Variants in DGKB observed in about 807,000 individuals in gnomAD.
DGKB encodes the protein diacylglycerol kinase beta.
A neutral mutation model predicts 114.3 loss-of-function variants in DGKB; 67 were observed. The observed-to-expected ratio is 0.59, with a 90% CI of 0.48 to 0.72. The LOEUF is 0.72. Among genes scored for constraint, DGKB ranks in the 30% least tolerant of loss-of-function variants. DGKB has a pLI of 0.00. For missense variants in DGKB, 907 were observed against 975.2 expected (o/e 0.93, Z 0.93); for synonymous variants, 398 against 323.1 (o/e 1.23, Z -2.49).
At chr7:14,523,238 A>G (rs1177787932) in intron 20 of DGKB, among the ~76,000 whole-genome samples, 1 of 152,224 alleles carries the variant, frequency 6.6e-6, no homozygotes, top group East Asian at 1.9e-4. Flanking sequence ...GTCATAATTT[A>G]TCTAAAAACC....
chr7:14,836,900 C>T (rs368091410), intron 2 of DGKB, among the ~76,000 whole-genome samples: 8 of 152,230 alleles, frequency 5.3e-5, no homozygotes, highest in African/African-American at 1.9e-4. Flanking sequence ...GACACTGACT[C>T]TTCATGCTCC....
intron 20 of DGKB, among the ~76,000 whole-genome samples, chr7:14,565,265 A>T (rs752813533): frequency 7.9e-5 from 12 of 152,104 alleles, no homozygotes; most frequent in Non-Finnish European, 1.8e-4. Flanking sequence ...TATCATCATC[A>T]GCCTACTAAC....
intron 16 of DGKB, among the ~76,000 whole-genome samples, chr7:14,609,282 A>C (rs1400023688): frequency 6.6e-6 from 1 of 152,018 alleles, no homozygotes; most frequent in Non-Finnish European, 1.5e-5. Context: ...CAAATACAAA[A>C]CAATAGCGAA....
intron 20 of DGKB, among the ~76,000 whole-genome samples, chr7:14,499,781 G>A (rs191010231): frequency 4.0e-5 from 6 of 151,882 alleles, no homozygotes; most frequent in Admixed American, 3.3e-4. Context: ...CTTCTGAAAC[G>A]TAAATGACAG....
chr7:14,578,123 T>C (rs550644885), intron 19 of DGKB, among the ~76,000 whole-genome samples: 16 of 152,250 alleles, frequency 1.1e-4, no homozygotes, highest in African/African-American at 3.4e-4. Context: ...GATGGTTTTA[T>C]CAGGGACTAT....
At chr7:14,655,562 G>T (rs947954739) in intron 13 of DGKB, among the ~76,000 whole-genome samples, 3 of 151,598 alleles carry the variant, frequency 2.0e-5, no homozygotes, top group Admixed American at 6.6e-5. Context: ...GGAAACTTGT[G>T]TATCAAAGTG....
Position 14,754,954 on chromosome 7 carries a change from TA to T in DGKB, c.148-1007del, listed in dbSNP as rs199716855. ...AGTGAAGAGCACAGGGCATTAGCCT[TA>T]AACTGGGATTCTAGTCAATTAGGTT... On this transcript the variant is annotated intron_variant, in intron 3 of 25. Coordinates refer to ENST00000402815, the MANE Select transcript of DGKB (RefSeq NM_001350709.2). Among the ~76,000 whole-genome samples, 915 of 152,310 alleles carry T rather than the reference TA, an allele frequency of 6.0e-3. 12 individuals are homozygous for T. The highest frequency in any genetic ancestry group is 0.021 in the African/African-American group (855 of 41,580).
At position 14,241,051 on chromosome 7, in the gene DGKB, T is replaced by A. The variant is rs552339830; in HGVS notation, c.2123-62900A>T. 3.3e-5 allele frequency among the ~76,000 whole-genome samples: 5 copies of A among 152,192 alleles called. No homozygotes were observed. In the East Asian group the frequency reaches 9.7e-4, roughly 29 times the overall value. On this transcript the variant is annotated intron_variant, in intron 23 of 25. Transcript: ENST00000402815. ...TAGAGGTTGGAAACTCAAGCATCAT[T>A]AAGAAATGGTCTGAAAGTGACTTAA... is the stretch of plus-strand genomic sequence containing the variant.
intron 25 of DGKB, 51 bp downstream of exon 25, chr7:14,176,788 G>C (rs1781801978): frequency 6.3e-7 from 1 of 1,577,094 alleles, no homozygotes. Flanking sequence ...TTTAGTCAAA[G>C]AGGAAAGCAA....
At chr7:14,834,464 T>C (rs746932665) in intron 2 of DGKB, among the ~76,000 whole-genome samples, 2 of 152,110 alleles carry the variant, frequency 1.3e-5, no homozygotes, top group African/African-American at 4.8e-5. Context: ...GTGAATTGCT[T>C]AGGCCAAAGA....
intron 21 of DGKB, among the ~76,000 whole-genome samples, chr7:14,418,768 T>C (rs966157425): frequency 6.6e-6 from 1 of 151,916 alleles, no homozygotes; most frequent in African/African-American, 2.4e-5. Flanking sequence ...CTTGTTGTCT[T>C]AGATTTTAAA....
At chr7:14,716,143 G>C (rs1307111624) in intron 6 of DGKB, among the ~76,000 whole-genome samples, 1 of 152,176 alleles carries the variant, frequency 6.6e-6, no homozygotes, top group African/African-American at 2.4e-5. Context: ...AAAAACAACT[G>C]TTGTGTCAGG....
chr7:14,155,024 C>A (rs1782794789), intron 25 of DGKB, among the ~76,000 whole-genome samples: 1 of 152,002 alleles, frequency 6.6e-6, no homozygotes, highest in African/African-American at 2.4e-5. Context: ...CGGTCCCACC[C>A]CAGATCTTCT....
At chr7:14,718,855 C>A in intron 5 of DGKB, 170 bp from the exon 6 acceptor site, 1 of 548,746 alleles carries the variant, frequency 1.8e-6, no homozygotes, top group Non-Finnish European at 3.2e-6. Flanking sequence ...TAGCCTACGA[C>A]TGTTGTAGAT....
chr7:14,401,706 A>G (rs1342674402), intron 21 of DGKB, among the ~76,000 whole-genome samples: 2 of 151,744 alleles, frequency 1.3e-5, no homozygotes, highest in East Asian at 3.9e-4. Flanking sequence ...TGTTTCAAAT[A>G]ATTGATATAA....
chr7:14,682,542 T>C lies in DGKB; in HGVS notation c.1035+11A>G, dbSNP rs1195642221. 1 of 1,592,476 alleles carries C rather than the reference T, an allele frequency of 6.3e-7. No homozygotes were observed. The highest frequency in any genetic ancestry group is 8.6e-7 in the Non-Finnish European group (1 of 1,160,986). On this transcript the variant is annotated intron_variant, in intron 12 of 25. Coordinates refer to ENST00000402815, the MANE Select transcript of DGKB (RefSeq NM_001350709.2). ...GTGAATGCTGGGATTTGTTTTCCAATTTTTACTCACTGTGATCTGACACCA... is the reference window on the plus strand; with the variant it reads ...GTGAATGCTGGGATTTGTTTTCCAACTTTTACTCACTGTGATCTGACACCA...
At chr7:14,962,466 T>C (rs1786904168) in intron 1 of DGKB, among the ~76,000 whole-genome samples, 1 of 152,184 alleles carries the variant, frequency 6.6e-6, no homozygotes, top group East Asian at 1.9e-4. Flanking sequence ...ATAGAGTATG[T>C]GTTCATATTT....
At chr7:14,389,871 C>T (rs766314347) in intron 21 of DGKB, among the ~76,000 whole-genome samples, 5 of 152,170 alleles carry the variant, frequency 3.3e-5, no homozygotes, top group Non-Finnish European at 7.3e-5. Flanking sequence ...ATAATAAGTT[C>T]GTTATCTAGT....
At chr7:14,670,581 A>C (rs947597621) in intron 13 of DGKB, among the ~76,000 whole-genome samples, 1 of 152,058 alleles carries the variant, frequency 6.6e-6, no homozygotes, top group Non-Finnish European at 1.5e-5. Flanking sequence ...CAGGGATTAC[A>C]GGCGTGAGCC....
Sources: allele counts gnomAD v4.1 joint callset (sites outside exome capture counted in the v4.1 genomes callset), GRCh38; gene constraint gnomAD v4.1.1; transcripts MANE v1.5; gene names NCBI Gene and HGNC (gene_info 2026-07-23, HGNC 2026-07-21).